SAMMSON: variants seen among roughly 807,000 people sequenced by gnomAD.
SAMMSON encodes long intergenic non-protein coding RNA 1212.
intron 3 of SAMMSON, among the ~76,000 whole-genome samples, chr3:70,017,768 A>C (rs1376793146): frequency 6.6e-6 from 1 of 152,160 alleles, no homozygotes; most frequent in African/African-American, 2.4e-5. Context: ...ATCAATACCT[A>C]ATTTATTGAT....
intron 4 of SAMMSON, among the ~76,000 whole-genome samples, chr3:70,241,495 T>C (rs1247949363): frequency 1.3e-5 from 2 of 152,196 alleles, no homozygotes; most frequent in East Asian, 1.9e-4. Context: ...GGAGGTATGG[T>C]AGGAATTGTT....
At chr3:70,331,843 A>G (rs1262697056) in intron 7 of SAMMSON, among the ~76,000 whole-genome samples, 1 of 152,236 alleles carries the variant, frequency 6.6e-6, no homozygotes, top group Non-Finnish European at 1.5e-5. Context: ...TTCAGAATTT[A>G]TCAAGTGCCA....
At chr3:70,311,911 T>C in intron 7 of SAMMSON, 1 of 397,858 alleles carries the variant, frequency 2.5e-6, no homozygotes, top group Admixed American at 4.4e-5. Context: ...AAATGTTATT[T>C]TTATCATTTT....
rs368037593 is a variant in SAMMSON at position 70,301,467 on chromosome 3, A to C, written n.739+10224A>C. Among the ~76,000 whole-genome samples, 16 of 152,216 alleles carry C rather than the reference A, an allele frequency of 1.1e-4. No individual in the cohort carries two copies. In the East Asian group the frequency reaches 2.9e-3, roughly 28 times the overall value. ...GCTGATATTTTATTTTCCCAACTGAATTATAAGTTTCTTTATTGGGCATGG... is the reference window on the plus strand; with the variant it reads ...GCTGATATTTTATTTTCCCAACTGACTTATAAGTTTCTTTATTGGGCATGG... On this transcript the variant is annotated intron_variant and non_coding_transcript_variant, in intron 7 of 9. Transcript: ENST00000642114.
At chr3:70,314,534 T>G (rs1241816871) in intron 7 of SAMMSON, among the ~76,000 whole-genome samples, 1 of 152,062 alleles carries the variant, frequency 6.6e-6, no homozygotes, top group African/African-American at 2.4e-5. Context: ...CACAGTGATC[T>G]TTAAGCAATG....
At chr3:70,152,364 A>G (rs2067575288) in intron 4 of SAMMSON, among the ~76,000 whole-genome samples, 1 of 152,170 alleles carries the variant, frequency 6.6e-6, no homozygotes, top group Non-Finnish European at 1.5e-5. Context: ...TTGAATTTTC[A>G]TTTAGTAAAC....
intron 4 of SAMMSON, chr3:70,206,940 A>G: frequency 5.1e-6 from 2 of 393,484 alleles, no homozygotes; most frequent in Non-Finnish European, 9.0e-6. Flanking sequence ...ACAATTTTGA[A>G]TAAAAATATG....
At chr3:70,361,067 G>A (rs2106739979) in intron 9 of SAMMSON, among the ~76,000 whole-genome samples, 1 of 152,192 alleles carries the variant, frequency 6.6e-6, no homozygotes, top group South Asian at 2.1e-4. Flanking sequence ...AGCCTCAGAG[G>A]CCCAAGGTCA....
chr3:70,121,145 C>G (rs2067431575), intron 4 of SAMMSON, among the ~76,000 whole-genome samples: 1 of 152,180 alleles, frequency 6.6e-6, no homozygotes, highest in African/African-American at 2.4e-5. Flanking sequence ...CTATAAGAAT[C>G]TAACGCCACT....
At chr3:70,165,187 G>C (rs1285541115) in intron 4 of SAMMSON, among the ~76,000 whole-genome samples, 1 of 151,978 alleles carries the variant, frequency 6.6e-6, no homozygotes, top group Admixed American at 6.6e-5. Context: ...GATGTAATTT[G>C]TGTCAATTAT....
intron 7 of SAMMSON, among the ~76,000 whole-genome samples, chr3:70,324,372 G>C (rs1014123240): frequency 6.6e-6 from 1 of 151,996 alleles, no homozygotes; most frequent in African/African-American, 2.4e-5. Context: ...TATTACCATA[G>C]CTTAACTAGC....
intron 4 of SAMMSON, among the ~76,000 whole-genome samples, chr3:70,119,256 A>G (rs1021673856): frequency 1.3e-5 from 2 of 152,002 alleles, no homozygotes; most frequent in African/African-American, 4.8e-5. Context: ...TAGTAGAGAC[A>G]GGGTTTCACC....
chr3:70,409,927 G>A (rs1333029698), intron 2 of SAMMSON, among the ~76,000 whole-genome samples: 1 of 152,094 alleles, frequency 6.6e-6, no homozygotes, highest in Admixed American at 6.6e-5. Context: ...CCATCATCCA[G>A]GTAGTGAGCA....
chr3:70,394,712 T>C (rs957074139), downstream of SAMMSON, among the ~76,000 whole-genome samples: 1 of 152,126 alleles, frequency 6.6e-6, no homozygotes, highest in Non-Finnish European at 1.5e-5. Flanking sequence ...CAATAAATAA[T>C]GCAAGAAAAA....
intron 7 of SAMMSON, among the ~76,000 whole-genome samples, chr3:70,337,205 A>G (rs548600288): frequency 6.8e-6 from 1 of 147,740 alleles, no homozygotes; most frequent in Non-Finnish European, 1.5e-5. Flanking sequence ...ATAATATATA[A>G]TCTAACTTAA....
intron 4 of SAMMSON, among the ~76,000 whole-genome samples, chr3:70,169,683 C>G (rs1206379305): frequency 6.9e-6 from 1 of 145,344 alleles, no homozygotes; most frequent in East Asian, 2.0e-4. Context: ...AATTGATTTG[C>G]TCCCCAGAAC....
intron 3 of SAMMSON, among the ~76,000 whole-genome samples, chr3:70,045,811 A>G (rs2067124629): frequency 6.6e-6 from 1 of 152,106 alleles, no homozygotes; most frequent in South Asian, 2.1e-4. Flanking sequence ...ACCTTGGGAA[A>G]ATCTGGAGCT....
intron 4 of SAMMSON, among the ~76,000 whole-genome samples, chr3:70,143,431 A>G (rs972852607): frequency 3.3e-5 from 5 of 152,090 alleles, no homozygotes; most frequent in African/African-American, 1.2e-4. Context: ...GAAATGCCCA[A>G]TAAGAATTTT....
At chr3:70,337,050 T>C (rs1702667754) in intron 7 of SAMMSON, among the ~76,000 whole-genome samples, 1 of 69,114 alleles carries the variant, frequency 1.4e-5, no homozygotes, top group South Asian at 4.5e-4. Flanking sequence ...AACTTAATAT[T>C]ATTATTATTA....
Sources: gnomAD v4.1 joint callset for allele counts (sites outside exome capture counted in the v4.1 genomes callset) on GRCh38, gnomAD v4.1.1 for gene constraint, MANE v1.5 for transcripts, NCBI Gene and HGNC (gene_info 2026-07-23, HGNC 2026-07-21) for gene names.